DAAM2: variants seen among roughly 807,000 people sequenced by gnomAD.
The protein encoded by DAAM2 is dishevelled associated activator of morphogenesis 2, also known as disheveled-associated activator of morphogenesis 2.
A neutral mutation model predicts 120.7 loss-of-function variants in DAAM2; 39 were observed. The observed-to-expected ratio is 0.32, with a 90% CI of 0.25 to 0.42. DAAM2 has a LOEUF of 0.42. Ranked by LOEUF, DAAM2 falls within the 10% of genes least tolerant of loss-of-function variation. The pLI, the probability that DAAM2 is intolerant of heterozygous loss-of-function variation, is 1.00. For missense variants in DAAM2, 1,283 were observed against 1,401.7 expected (o/e 0.92, Z 1.35); for synonymous variants, 488 against 524.9 (o/e 0.93, Z 0.96).
At chr6:39,799,617 G>A (rs1257700646) in intron 1 of DAAM2, among the ~76,000 whole-genome samples, 1 of 152,014 alleles carries the variant, frequency 6.6e-6, no homozygotes, top group African/African-American at 2.4e-5. Context: ...ATTGGGAGCT[G>A]CCTCCTAAGA....
intron 5 of DAAM2, 23 bp downstream of exon 5, chr6:39,865,097 C>A: frequency 7.3e-7 from 1 of 1,374,190 alleles, no homozygotes. Flanking sequence ...CCCCCTCTTG[C>A]TTCCTGCTGA....
At chr6:39,882,580 C>T (rs1233027611) in intron 14 of DAAM2, among the ~76,000 whole-genome samples, 1 of 152,048 alleles carries the variant, frequency 6.6e-6, no homozygotes, top group Non-Finnish European at 1.5e-5. Flanking sequence ...ACTGCTTCAG[C>T]CAGCGCCGTC....
chr6:39,879,378 T>C lies in DAAM2; in HGVS notation c.1746T>C (p.Pro582=). ...PPCLGMGLPL[P]QDPYPSSDVP... ...GCCTCGGCATGGGCCTGCCCCTCCCTCAGGACCCCTACCCCAGCAGTGACG... is the reference window on the plus strand; with the variant it reads ...GCCTCGGCATGGGCCTGCCCCTCCCCCAGGACCCCTACCCCAGCAGTGACG... The change falls in exon 14 of 25, where the codon CCT becomes CCC. Residue 582 remains proline (P), a synonymous_variant. Coordinates refer to ENST00000274867, the MANE Select transcript of DAAM2 (RefSeq NM_001201427.2). 1 of 1,405,378 alleles carries C rather than the reference T, an allele frequency of 7.1e-7. No homozygotes were observed. The allele number at this position is 1,405,378 out of a possible 1,614,324, so 87.1% of individuals were successfully genotyped here. A position where few individuals can be genotyped will look rare whatever the true frequency, so the allele number is the denominator to read the frequency against.
intron 1 of DAAM2, among the ~76,000 whole-genome samples, chr6:39,817,824 T>C (rs1174927637): frequency 6.6e-6 from 1 of 152,156 alleles, no homozygotes; most frequent in East Asian, 1.9e-4. Context: ...ACCCACATTA[T>C]GGAGGGTAAT....
chr6:39,821,207 G>C (rs1293016968), intron 1 of DAAM2: 1 of 152,262 alleles, frequency 6.6e-6, no homozygotes, highest in African/African-American at 2.4e-5. Context: ...CAGTGGCCCT[G>C]CCTCCCTTGC....
chr6:39,800,611 A>G (rs964709110), intron 1 of DAAM2, among the ~76,000 whole-genome samples: 2 of 152,146 alleles, frequency 1.3e-5, no homozygotes, highest in African/African-American at 4.8e-5. Flanking sequence ...GGAGTGCTGG[A>G]CATGGTTAGC....
intron 1 of DAAM2, among the ~76,000 whole-genome samples, chr6:39,837,203 A>G (rs9369140): frequency 0.15 from 22,159 of 152,054 alleles, 3,143 homozygotes; most frequent in East Asian, 0.36. Flanking sequence ...GGGCCTGTCA[A>G]CTGCCTCCCC....
At chr6:39,832,397 G>A (rs1306677934) in intron 1 of DAAM2, among the ~76,000 whole-genome samples, 1 of 151,736 alleles carries the variant, frequency 6.6e-6, no homozygotes, top group Admixed American at 6.5e-5. Context: ...CCTTCCTTTT[G>A]TCTATCTGGG....
intron 15 of DAAM2, chr6:39,884,626 G>GCTGGGC (rs59294248): frequency 0.013 from 2,007 of 153,180 alleles, 16 homozygotes; most frequent in East Asian, 0.04. Context: ...TGAGGCTGGG[G>GCTGGGC]CTGGGCCTGG....
rs1024770642 is a variant in DAAM2 at position 39,903,952 on chromosome 6, C to G, written c.*1915C>G. 5.8e-6 allele frequency: 2 copies of G among 347,314 alleles called. No individual in the cohort carries two copies. The highest frequency in any genetic ancestry group is 4.3e-5 in the African/African-American group (2 of 46,736). The allele number at this position is 347,314 out of a possible 1,614,324, so 21.5% of individuals were successfully genotyped here. ...CTGCAGAGAGTTTGGCTATATGCAT[C>G]TGCAGCCCCAAGAGCTCCCACTGCA... On this transcript the variant is annotated 3_prime_UTR_variant, in exon 25 of 25. Transcript: ENST00000274867.
At chr6:39,813,159 T>C (rs974238053) in intron 1 of DAAM2, among the ~76,000 whole-genome samples, 18 of 151,790 alleles carry the variant, frequency 1.2e-4, no homozygotes, top group Admixed American at 9.8e-4. Flanking sequence ...TGTGTGTGTG[T>C]GTGTGTGCGT....
At chr6:39,849,164 TAGTA>T (rs1214350647) in intron 1 of DAAM2, among the ~76,000 whole-genome samples, 2 of 152,212 alleles carry the variant, frequency 1.3e-5, no homozygotes, top group African/African-American at 2.4e-5. Context: ...ATGGGCCAGA[TAGTA>T]AGTGTTTTTG....
chr6:39,838,772 T>C (rs888006338), intron 1 of DAAM2, among the ~76,000 whole-genome samples: 8 of 152,252 alleles, frequency 5.3e-5, no homozygotes, highest in Middle Eastern at 3.4e-3. Flanking sequence ...GATTCTCCTG[T>C]CTCTGCCTCC....
chr6:39,900,757 T>C (rs1766429066), intron 23 of DAAM2, among the ~76,000 whole-genome samples: 1 of 152,240 alleles, frequency 6.6e-6, no homozygotes, highest in Admixed American at 6.5e-5. Context: ...TTTTGAGTAG[T>C]GAGATCTTTC....
Position 39,901,356 on chromosome 6 carries a change from G to A in DAAM2, c.2866G>A (p.Glu956Lys), listed in dbSNP as rs370518716. The change falls in exon 24 of 25, where the codon GAA (glutamate) becomes AAA (lysine). Residue 956 changes from glutamate (E) to lysine (K), a missense_variant. Glu to Lys is a moderately conservative substitution (Grantham distance 56, BLOSUM62 1). Transcript: ENST00000274867. The surrounding 1 kb of genome is among the most constrained non-coding windows in gnomAD (Gnocchi z 4.5). ...GEHDSKMQPD[E>K]FFGIFDTFLQ... The stretch of plus-strand genomic sequence containing the variant: ...GCATGACAGCAAGATGCAGCCAGAC[G>A]AATTCTTTGGCATCTTTGATACCTT... 1.9e-4 allele frequency: 313 copies of A among 1,613,826 alleles called. 1 individual carries two copies. Among genetic ancestry groups the A allele is most frequent in the Middle Eastern group, 3.3e-4 (2 of 6,084 alleles).
intron 1 of DAAM2, among the ~76,000 whole-genome samples, chr6:39,831,796 G>GGGGGGCAGGTGCACT (rs1215140751): frequency 2.0e-5 from 1 of 49,936 alleles, no homozygotes; most frequent in Admixed American, 1.7e-4. Context: ...CAGGTGCACT[G>GGGGGGCAGGTGCACT]GGGGGGGGCA....
intron 3 of DAAM2, chr6:39,862,814 A>G (rs1764269385): frequency 6.8e-6 from 1 of 146,086 alleles, no homozygotes; most frequent in African/African-American, 2.7e-5. Flanking sequence ...TCAAAAAAAA[A>G]AAAAAAAAAA....
Position 39,891,355 on chromosome 6 carries a change from C to T in DAAM2, c.2160C>T (p.Ile720=). The change falls in exon 18 of 25, where the codon ATC becomes ATT. Residue 720 remains isoleucine (I), a synonymous_variant. Transcript: ENST00000274867. ...GCTCTTTGCAGCTCCTCAAGTTCATCCCAGAGAAGAGTGACATTGACCTCC... is the reference window on the plus strand; with the variant it reads ...GCTCTTTGCAGCTCCTCAAGTTCATTCCAGAGAAGAGTGACATTGACCTCC... ...KDMLEQLLKF[I]PEKSDIDLLE... is the part of the protein sequence containing the mutation. 3.7e-6 allele frequency: 6 copies of T among 1,608,670 alleles called. No individual in the cohort carries two copies. The highest frequency in any genetic ancestry group is 3.4e-6 in the Non-Finnish European group (4 of 1,177,326).
Position 39,904,864 on chromosome 6 carries a change from T to C in DAAM2, c.*2827T>C. ...AAAAATATTAAATTCATACCATCCC[T>C]ACCCAGTCTGCCTTTAAACTTGTGC... On this transcript the variant is annotated 3_prime_UTR_variant, in exon 25 of 25. Coordinates refer to ENST00000274867, the MANE Select transcript of DAAM2 (RefSeq NM_001201427.2). 2.2e-6 allele frequency: 1 copy of C among 454,128 alleles called. No individual in the cohort carries two copies. 28.1% of individuals were successfully genotyped at this position (454,128 alleles called of 1,614,324 possible). A position where few individuals can be genotyped will look rare whatever the true frequency, so the allele number is the denominator to read the frequency against.
Sources: gnomAD v4.1 joint callset for allele counts (sites outside exome capture counted in the v4.1 genomes callset) on GRCh38, gnomAD v4.1.1 for gene constraint, Gnocchi (gnomAD v3.1) non-coding constraint, MANE v1.5 for transcripts, NCBI Gene and HGNC (gene_info 2026-07-23, HGNC 2026-07-21) for gene names.